The following RGS6 variants were observed in gnomAD, a reference collection of about 807,000 sequenced individuals.
RGS6 encodes the protein regulator of G protein signaling 6.
In RGS6, 30 loss-of-function variants were observed where a neutral mutation model predicts 78.5. The ratio of observed to expected loss-of-function variants is 0.38; its 90% CI spans 0.29 to 0.52. RGS6 has a LOEUF of 0.52. RGS6 is among the 20% of genes least tolerant of loss of function. The probability of loss-of-function intolerance (pLI) is 0.85; values close to 1 mark genes in which losing one functional copy is unlikely to be tolerated. For missense variants in RGS6, 495 were observed against 609.7 expected (o/e 0.81, Z 1.98); for synonymous variants, 206 against 206.0 (o/e 1.00, Z 0.00).
chr14:71,895,222 C>T, the RGS6 span, among the ~76,000 whole-genome samples: 2 of 152,180 alleles, frequency 1.3e-5, no homozygotes. Flanking sequence ...CTCACTCTGT[C>T]ACCCAAACAG....
At chr14:72,550,594 TCTGATACGTGC>T in intron 17 of RGS6, 1 of 1,535,144 alleles carries the variant, frequency 6.5e-7, no homozygotes, top group African/African-American at 1.4e-5. Context: ...GTGGGGGAAT[TCTGATACGTGC>T]TCTGTCCTGG....
chr14:72,493,530 G>A (rs59189869), intron 12 of RGS6, among the ~76,000 whole-genome samples: 1,541 of 152,008 alleles, frequency 0.01, 54 homozygotes, highest in East Asian at 0.09. Flanking sequence ...AGCAAACAAA[G>A]GAAACAAAGG....
chr14:72,514,462 T>A (rs74063477), intron 14 of RGS6, among the ~76,000 whole-genome samples: 6,446 of 152,286 alleles, frequency 0.042, 464 homozygotes, highest in African/African-American at 0.15. Context: ...TGAAAGCCTC[T>A]AGGGAGAAAG....
At chr14:72,119,820 C>G (rs2096003073) in intron 2 of RGS6, among the ~76,000 whole-genome samples, 1 of 152,148 alleles carries the variant, frequency 6.6e-6, no homozygotes, top group Non-Finnish European at 1.5e-5. Context: ...TCCTAATGGG[C>G]TTAGGAAGAT....
chr14:71,927,948 G>A (rs36333), upstream of RGS6, among the ~76,000 whole-genome samples: 9,174 of 152,018 alleles, frequency 0.06, 379 homozygotes, highest in Non-Finnish European at 0.091. Flanking sequence ...GTGAGCCACC[G>A]CGCCCGGCCA....
At chr14:72,472,072 G>A (rs528040801) in intron 8 of RGS6, among the ~76,000 whole-genome samples, 3 of 151,692 alleles carry the variant, frequency 2.0e-5, no homozygotes, top group African/African-American at 7.3e-5. Flanking sequence ...GTCCAGTAAA[G>A]TAAAGCGTTC....
chr14:72,127,619 T>C (rs1392468755), intron 2 of RGS6, among the ~76,000 whole-genome samples: 1 of 152,144 alleles, frequency 6.6e-6, no homozygotes, highest in Non-Finnish European at 1.5e-5. Flanking sequence ...AAAAAAACCA[T>C]TTAATTTTGA....
intron 2 of RGS6, among the ~76,000 whole-genome samples, chr14:72,207,194 G>T (rs1304504335): frequency 6.6e-6 from 1 of 152,068 alleles, no homozygotes; most frequent in Non-Finnish European, 1.5e-5. Flanking sequence ...TGTATTGTTT[G>T]TTTTTAAAAA....
chr14:72,403,769 C>T (rs2092680393), intron 3 of RGS6, among the ~76,000 whole-genome samples: 1 of 151,982 alleles, frequency 6.6e-6, no homozygotes, highest in East Asian at 1.9e-4. Context: ...ATATTGAAAG[C>T]AAAAGAAAAA....
chr14:72,141,766 A>G (rs2096542401), intron 2 of RGS6, among the ~76,000 whole-genome samples: 1 of 152,000 alleles, frequency 6.6e-6, no homozygotes, highest in Non-Finnish European at 1.5e-5. Context: ...TCAACTCTGA[A>G]CACATCTCTG....
chr14:72,362,013 A>G (rs2081554027), intron 3 of RGS6, among the ~76,000 whole-genome samples: 1 of 152,188 alleles, frequency 6.6e-6, no homozygotes, highest in South Asian at 2.1e-4. Flanking sequence ...ATATTAACTG[A>G]TTTTATTTAT....
intron 2 of RGS6, among the ~76,000 whole-genome samples, chr14:72,295,471 C>T (rs1250879519): frequency 2.0e-5 from 3 of 151,928 alleles, no homozygotes; most frequent in Admixed American, 2.0e-4. Flanking sequence ...TCCCCCAGGA[C>T]CCAGTTTGGA....
intron 2 of RGS6, among the ~76,000 whole-genome samples, chr14:72,108,530 A>G (rs1212775215): frequency 6.6e-6 from 1 of 151,366 alleles, no homozygotes; most frequent in African/African-American, 2.4e-5. Flanking sequence ...TTCTTTAGAG[A>G]CTCCTGTTGT....
intron 3 of RGS6, among the ~76,000 whole-genome samples, chr14:72,402,309 T>C (rs964006417): frequency 6.6e-6 from 1 of 152,112 alleles, no homozygotes; most frequent in East Asian, 1.9e-4. Flanking sequence ...CTTCAAGGGG[T>C]TGAGTGGCTA....
At chr14:71,962,003 G>A (rs1042516320) in intron 1 of RGS6, among the ~76,000 whole-genome samples, 4 of 152,090 alleles carry the variant, frequency 2.6e-5, no homozygotes, top group African/African-American at 9.7e-5. Flanking sequence ...TACCTATGTA[G>A]GTTTCACATC....
intron 2 of RGS6, among the ~76,000 whole-genome samples, chr14:72,104,091 T>A (rs2095581813): frequency 1.3e-5 from 2 of 152,164 alleles, no homozygotes; most frequent in South Asian, 4.2e-4. Flanking sequence ...TTTTTAAAAA[T>A]GATGTTGGAG....
At chr14:72,077,980 C>T (rs942598995) in intron 2 of RGS6, among the ~76,000 whole-genome samples, 1 of 152,178 alleles carries the variant, frequency 6.6e-6, no homozygotes, top group Non-Finnish European at 1.5e-5. Context: ...CAGTATTTTT[C>T]TCCCACTGAT....
intron 2 of RGS6, among the ~76,000 whole-genome samples, chr14:72,279,941 GC>G (rs1343137501): frequency 2.0e-5 from 3 of 152,196 alleles, no homozygotes; most frequent in African/African-American, 7.2e-5. Flanking sequence ...GATTCTTAGA[GC>G]AAGAGAACAT....
At chr14:71,998,624 A>G (rs989294634) in intron 2 of RGS6, among the ~76,000 whole-genome samples, 14 of 152,246 alleles carry the variant, frequency 9.2e-5, no homozygotes, top group Non-Finnish European at 1.3e-4. Context: ...GTCAAATAGA[A>G]GCCAAAGCAT....
Sources: gnomAD v4.1 joint callset for allele counts (sites outside exome capture counted in the v4.1 genomes callset) on GRCh38, gnomAD v4.1.1 for gene constraint, MANE v1.5 for transcripts, NCBI Gene and HGNC (gene_info 2026-07-23, HGNC 2026-07-21) for gene names.